Variants in NCAN observed in about 807,000 individuals in gnomAD.
The protein encoded by NCAN is neurocan core protein.
A neutral mutation model predicts 121.8 loss-of-function variants in NCAN; 47 were observed. That is an observed-to-expected ratio of 0.39 (90% CI 0.31 to 0.49). The LOEUF is 0.49. Ranked by LOEUF, NCAN falls within the 20% of genes least tolerant of loss-of-function variation. NCAN has a pLI of 0.92. For missense variants in NCAN, 1,517 were observed against 1,773.4 expected, an observed-to-expected ratio of 0.86 and a Z score of 2.60; for synonymous variants, 633 against 702.0, an observed-to-expected ratio of 0.90 and a Z score of 1.55.
At chr19:19,230,117 G>A (rs2060852615) in intron 8 of NCAN, among the ~76,000 whole-genome samples, 1 of 148,304 alleles carries the variant, frequency 6.7e-6, no homozygotes, top group South Asian at 2.2e-4. Context: ...TGATCTCGGC[G>A]CACTGCAACC....
intron 4 of NCAN, 33 bp downstream of exon 4, chr19:19,224,228 A>G: frequency 6.3e-7 from 1 of 1,589,092 alleles, no homozygotes; most frequent in Non-Finnish European, 8.6e-7. Flanking sequence ...GGAGATGAAG[A>G]CTAGCTCATG....
chr19:19,231,772 G>C (rs573501814), intron 8 of NCAN, among the ~76,000 whole-genome samples: 5 of 152,184 alleles, frequency 3.3e-5, no homozygotes, highest in African/African-American at 9.6e-5. Context: ...TTGAGCCCAG[G>C]AATTGGAGAC....
In NCAN at chr19:19,212,603, A is replaced by G. The variant is rs1599803741; in HGVS notation, c.-8+539A>G. 6.6e-6 allele frequency among the ~76,000 whole-genome samples: 1 copy of G among 152,150 alleles called. No homozygotes were observed. The highest frequency in any genetic ancestry group is 2.4e-5 in the African/African-American group (1 of 41,434). On this transcript the variant is annotated intron_variant, in intron 1 of 14. Coordinates refer to ENST00000252575, the MANE Select transcript of NCAN (RefSeq NM_004386.3). The surrounding 1 kb of genome is among the most constrained non-coding windows in gnomAD (Gnocchi z 4.5). ...GCGCTGAGAGCGAACGGCCATGGGG[A>G]AGGGGCTCCCTGCCATCTCCCTGTC...
At chr19:19,222,746 C>A (rs568153649) in intron 3 of NCAN, among the ~76,000 whole-genome samples, 28 of 152,306 alleles carry the variant, frequency 1.8e-4, no homozygotes, top group African/African-American at 6.5e-4. Context: ...GTTACCAGGG[C>A]TTCACATCCT....
At chr19:19,244,201 T>C (rs916613722) in intron 12 of NCAN, among the ~76,000 whole-genome samples, 1 of 152,008 alleles carries the variant, frequency 6.6e-6, no homozygotes, top group Non-Finnish European at 1.5e-5. Context: ...CCAGCCCCAC[T>C]GGGCTTTGTC....
In NCAN at chr19:19,212,836, C is replaced by A. The variant is rs1350587188; in HGVS notation, c.-8+772C>A. On this transcript the variant is annotated intron_variant, in intron 1 of 14. Transcript: ENST00000252575. This position sits in a 1 kb window ranked among gnomAD's most constrained non-coding sequence, Gnocchi z 4.5. ...GGATCCCCAGGACCTGTGAGGGATACCAGCTCAGAGGGGGGGCTGTCCCCC... is the reference window on the plus strand; with the variant it reads ...GGATCCCCAGGACCTGTGAGGGATAACAGCTCAGAGGGGGGGCTGTCCCCC... Among the ~76,000 whole-genome samples the A allele has an allele frequency of 6.6e-6, 1 of 152,188 alleles. No homozygotes were observed. The highest frequency in any genetic ancestry group is 1.5e-5 in the Non-Finnish European group (1 of 68,016).
chr19:19,245,192 G>A (rs2060920067), intron 12 of NCAN, 121 bp from the exon 13 acceptor site: 1 of 1,244,846 alleles, frequency 8.0e-7, no homozygotes, highest in South Asian at 1.5e-5. Context: ...TTGTAGAGAT[G>A]GGAACACTGA....
chr19:19,239,489 C>G (rs898846975), intron 11 of NCAN, among the ~76,000 whole-genome samples: 2 of 132,410 alleles, frequency 1.5e-5, no homozygotes, highest in Admixed American at 1.5e-4. Context: ...TTCTCCTCCT[C>G]CCTCCTACTC....
chr19:19,247,165 T>C (rs572211029), intron 13 of NCAN, among the ~76,000 whole-genome samples: 2 of 151,636 alleles, frequency 1.3e-5, no homozygotes, highest in African/African-American at 2.4e-5. Context: ...TCACTGCAGA[T>C]CACTTGAACT....
At chr19:19,217,401 GATTT>G (rs2060799825) in intron 2 of NCAN, among the ~76,000 whole-genome samples, 2 of 152,292 alleles carry the variant, frequency 1.3e-5, no homozygotes, top group Middle Eastern at 3.4e-3. Context: ...ATCCCTCACA[GATTT>G]GGTCTGTGAC....
intron 1 of NCAN, among the ~76,000 whole-genome samples, chr19:19,214,763 TGAGA>T (rs927690558): frequency 1.5e-4 from 14 of 92,180 alleles, no homozygotes; most frequent in African/African-American, 4.1e-4. Flanking sequence ...TGTGTGTGTG[TGAGA>T]GAGAGAGAGA....
chr19:19,245,548 G>A (rs552212379), intron 13 of NCAN, 91 bp downstream of exon 13: 89 of 1,437,832 alleles, frequency 6.2e-5, no homozygotes, highest in Non-Finnish European at 8.2e-5. Flanking sequence ...CATAATCATG[G>A]CTCATCACAG....
At position 19,238,291 on chromosome 19, in the gene NCAN, G is replaced by A; in HGVS notation, c.3289G>A (p.Gly1097Ser). The change falls in exon 11 of 15, where the codon GGC becomes AGC. Residue 1097 changes from glycine (G) to serine (S), a missense_variant. Transcript: ENST00000252575. ...GCDRGWHKFQ[G>S]HCYRYFAHRR... The stretch of plus-strand genomic sequence containing the variant: ...TGACCGCGGCTGGCATAAGTTCCAG[G>A]GCCACTGTTACCGCTATTTTGCCCA... 1 of 1,614,208 alleles carries A rather than the reference G, an allele frequency of 6.2e-7. No individual in the cohort carries two copies. Among genetic ancestry groups the A allele is most frequent in the African/African-American group, 1.3e-5 (1 of 75,054 alleles).
At chr19:19,213,132 T>A (rs1034159069) in intron 1 of NCAN, among the ~76,000 whole-genome samples, 1 of 151,626 alleles carries the variant, frequency 6.6e-6, no homozygotes, top group Admixed American at 6.6e-5. Context: ...GCGGGGGACG[T>A]GGGGGCAGGG....
Position 19,246,392 on chromosome 19 carries a change from C to T in NCAN, c.3637+935C>T, listed in dbSNP as rs533766545. On this transcript the variant is annotated intron_variant, in intron 13 of 14. Coordinates refer to ENST00000252575, the MANE Select transcript of NCAN (RefSeq NM_004386.3). ...GCAGCCAGTTCTCACTTTCCACCAG[C>T]GTATGAGAGTGCTTGTTTCCTCCCA... Among the ~76,000 whole-genome samples the T allele has an allele frequency of 4.6e-5, 7 of 152,254 alleles. No individual in the cohort carries two copies. The South Asian group carries it at 1.2e-3, about 27-fold the overall frequency.
intron 13 of NCAN, among the ~76,000 whole-genome samples, chr19:19,247,746 C>G (rs2060930001): frequency 6.6e-6 from 1 of 152,152 alleles, no homozygotes; most frequent in Non-Finnish European, 1.5e-5. Flanking sequence ...CCATTGTGCC[C>G]TATGTTTGGT....
At chr19:19,241,700 TA>T (rs1454009254) in intron 12 of NCAN, among the ~76,000 whole-genome samples, 1 of 151,356 alleles carries the variant, frequency 6.6e-6, no homozygotes, top group Non-Finnish European at 1.5e-5. Flanking sequence ...AATAAAAAGT[TA>T]AACATAGAGT....
rs757321441 is a variant in NCAN at position 19,251,469 on chromosome 19, G to A, written c.*1558G>A. ...AGATATAAAGGAAAGGTACTGGCTT[G>A]AAGTCACAACCACGACAGGAGTAAG... On this transcript the variant is annotated 3_prime_UTR_variant, in exon 15 of 15. Transcript: ENST00000252575. 2.0e-5 allele frequency: 3 copies of A among 152,172 alleles called. No individual in the cohort carries two copies. Among genetic ancestry groups the A allele is most frequent in the Admixed American group, 6.5e-5 (1 of 15,272 alleles). 9.4% of individuals were successfully genotyped at this position (152,172 alleles called of 1,614,324 possible).
At chr19:19,217,650 C>T (rs1206045848) in intron 2 of NCAN, among the ~76,000 whole-genome samples, 2 of 152,158 alleles carry the variant, frequency 1.3e-5, no homozygotes, top group Non-Finnish European at 1.5e-5. Flanking sequence ...CAGGGCCATA[C>T]AGTGAATCAG....
Sources: gnomAD v4.1 joint callset for allele counts (sites outside exome capture counted in the v4.1 genomes callset) on GRCh38, gnomAD v4.1.1 for gene constraint, Gnocchi (gnomAD v3.1) non-coding constraint, MANE v1.5 for transcripts, NCBI Gene and HGNC (gene_info 2026-07-23, HGNC 2026-07-21) for gene names.